Variants in SPTBN5 observed in about 807,000 individuals in gnomAD.
SPTBN5 encodes spectrin beta chain, non-erythrocytic 5.
In SPTBN5, 513 loss-of-function variants were observed where a neutral mutation model predicts 477.6. That is an observed-to-expected ratio of 1.07 (90% CI 1.00 to 1.16). The LOEUF (loss-of-function observed/expected upper bound fraction) is 1.16, where lower values mean the gene tolerates loss of function less well. SPTBN5 is among the 50% of genes most tolerant of loss of function. SPTBN5 has a pLI of 0.00. For missense variants in SPTBN5, 5,062 were observed against 4,731.8 expected (o/e 1.07, Z -2.05); for synonymous variants, 2,169 against 2,011.7 (o/e 1.08, Z -2.09).
intron 67 of SPTBN5, among the ~76,000 whole-genome samples, chr15:41,849,301 C>T (rs2065667029): frequency 6.6e-6 from 1 of 152,204 alleles, no homozygotes; most frequent in Admixed American, 6.5e-5. Flanking sequence ...GAGCCTCCTG[C>T]CCCTGCACAT....
intron 23 of SPTBN5, 85 bp downstream of exon 23, chr15:41,874,757 A>C: frequency 4.4e-6 from 6 of 1,374,762 alleles, no homozygotes; most frequent in Non-Finnish European, 5.9e-6. Flanking sequence ...AGGTCTGGAC[A>C]CCCCGGTCCT....
In SPTBN5 at chr15:41,875,069, C is replaced by T. The variant is rs1459082699; in HGVS notation, c.4288-13G>A. On this transcript the variant is annotated splice_polypyrimidine_tract_variant and intron_variant, in intron 22 of 67. Coordinates refer to ENST00000320955, the MANE Select transcript of SPTBN5 (RefSeq NM_016642.4). ...GCTCCTTTGCATCCTGGGAGGGACGCATGGAGCTGCATTAGGTTCTCTGTG... is the reference window on the plus strand; with the variant it reads ...GCTCCTTTGCATCCTGGGAGGGACGTATGGAGCTGCATTAGGTTCTCTGTG... The T allele has an allele frequency of 6.2e-7, 1 of 1,600,274 alleles. No homozygotes were observed. The highest frequency in any genetic ancestry group is 8.5e-7 in the Non-Finnish European group (1 of 1,172,200).
intron 32 of SPTBN5, 61 bp downstream of exon 32, chr15:41,869,780 C>G: frequency 7.1e-7 from 1 of 1,418,402 alleles, no homozygotes; most frequent in Non-Finnish European, 9.2e-7. Flanking sequence ...CGTGCATGCC[C>G]ATGCATGGTG....
intron 33 of SPTBN5, 61 bp from the exon 34 acceptor site, chr15:41,868,279 G>A: frequency 6.4e-7 from 1 of 1,563,600 alleles, no homozygotes; most frequent in Non-Finnish European, 8.6e-7. Context: ...GGTGAGGACT[G>A]GATCCTGAGG....
chr15:41,873,969 G>A lies in SPTBN5; in HGVS notation c.4766C>T (p.Ser1589Leu), dbSNP rs1305660570. The change falls in exon 25 of 68, where the codon TCA (serine) becomes TTA (leucine). Residue 1589 changes from serine to leucine, a missense_variant. Physicochemically the swap from Ser to Leu is moderately radical, Grantham distance 145 (BLOSUM62 -2). Coordinates refer to ENST00000320955, the MANE Select transcript of SPTBN5 (RefSeq NM_016642.4). ...VLSSGRSLAA[S>L]GHPQAQHIVE... ...GATGTGTTGGGCTTGGGGGTGCCCT[G>A]AGGCTGCCAGGCTCCGCCCAGAACT... 4 of 1,607,528 alleles carry A rather than the reference G, an allele frequency of 2.5e-6. No individual in the cohort carries two copies. Among genetic ancestry groups the A allele is most frequent in the Non-Finnish European group, 3.4e-6 (4 of 1,179,836 alleles).
rs751424905 is a variant in SPTBN5 at position 41,874,410 on chromosome 15, T to C, written c.4571A>G (p.Gln1524Arg). The C allele has an allele frequency of 5.5e-5, 88 of 1,613,516 alleles. No homozygotes were observed. Among genetic ancestry groups the C allele is most frequent in the Non-Finnish European group, 7.3e-5 (86 of 1,179,858 alleles). Residue 1524 changes from glutamine (Q) to arginine (R), a missense_variant, in exon 24 of 68, where the codon CAG (glutamine) becomes CGG (arginine). Physicochemically the swap from Gln to Arg is conservative, Grantham distance 43. Transcript: ENST00000320955. ...CTCCATGTTGCTCAGGTGGCAGAAC[T>C]GGTGCAGCTCCACTGAGGCCTGCAG... is the stretch of plus-strand genomic sequence containing the variant. Reference protein sequence around the residue: ...LQLQASVELHQFCHLSNMELS... With the variant: ...LQLQASVELHRFCHLSNMELS...
intron 63 of SPTBN5, 87 bp downstream of exon 63, chr15:41,851,692 G>C: frequency 9.8e-7 from 1 of 1,021,004 alleles, no homozygotes; most frequent in South Asian, 1.4e-5. Context: ...CACAGTGCAA[G>C]GGTGCCAGGC....
At position 41,887,301 on chromosome 15, in the gene SPTBN5, T is replaced by G. The variant is rs1158355660; in HGVS notation, c.800A>C (p.Glu267Ala). 3.2e-6 allele frequency: 5 copies of G among 1,551,170 alleles called. No individual in the cohort carries two copies. In the South Asian group the frequency reaches 5.9e-5, roughly 18 times the overall value. The change falls in exon 6 of 68, where the codon GAG becomes GCG. Residue 267 changes from glutamate to alanine, a missense_variant. Transcript: ENST00000320955. ...GGAGACGTAGGTCATGATAGAGCGC[T>G]CATCTGGCTGTGCGGCTGCCACGTC... ...PEDVAAAQPD[E>A]RSIMTYVSLY... is the part of the protein sequence containing the mutation.
intron 66 of SPTBN5, 29 bp from the exon 67 acceptor site, chr15:41,849,988 GC>G: frequency 6.5e-7 from 1 of 1,542,592 alleles, no homozygotes; most frequent in Non-Finnish European, 8.8e-7. Context: ...ACCACTGTTA[GC>G]CCGGCCCAGA....
intron 17 of SPTBN5, among the ~76,000 whole-genome samples, chr15:41,878,132 T>C (rs1448782549): frequency 6.6e-6 from 1 of 152,172 alleles, no homozygotes; most frequent in Non-Finnish European, 1.5e-5. Flanking sequence ...CCTGGGTCTC[T>C]CCTCGAAGTG....
chr15:41,865,087 G>A (rs981908369), intron 39 of SPTBN5, among the ~76,000 whole-genome samples: 5 of 152,172 alleles, frequency 3.3e-5, no homozygotes, highest in African/African-American at 4.8e-5. Flanking sequence ...AAGCACTGCC[G>A]CCTCTTAAAA....
Position 41,873,634 on chromosome 15 carries a change from T to C in SPTBN5, c.4891-26A>G, listed in dbSNP as rs148789697. On this transcript the variant is annotated intron_variant, in intron 25 of 67. Coordinates refer to ENST00000320955, the MANE Select transcript of SPTBN5 (RefSeq NM_016642.4). ...CTGCCAAGAGTGGGGCCAACTCACCTGGAGGATCTCAGACAGGACCCTCCG... is the reference window on the plus strand; with the variant it reads ...CTGCCAAGAGTGGGGCCAACTCACCCGGAGGATCTCAGACAGGACCCTCCG... The C allele has an allele frequency of 1.2e-4, 177 of 1,536,378 alleles. No individual in the cohort carries two copies. The African/African-American group carries it at 2.2e-3, about 19-fold the overall frequency.
Position 41,883,110 on chromosome 15 carries a change from G to A in SPTBN5, c.1778C>T (p.Ala593Val). The A allele has an allele frequency of 1.9e-6, 3 of 1,611,132 alleles. No homozygotes were observed. Among genetic ancestry groups the A allele is most frequent in the Middle Eastern group, 1.7e-4 (1 of 6,030 alleles). ...GGAGTCCAGCTCTGCTGTCTGCTGA[G>A]CAAGATGGCTCACATGGGCTCCGTG... ...SAHGAHVSHLAQQTAELDSSL... is the reference protein window; with the variant it reads ...SAHGAHVSHLVQQTAELDSSL... The change falls in exon 9 of 68, where the codon GCT becomes GTT. Residue 593 changes from alanine (A) to valine (V), a missense_variant. Physicochemically the swap from Ala to Val is moderately conservative, Grantham distance 64. Transcript: ENST00000320955.
intron 28 of SPTBN5, 100 bp downstream of exon 28, chr15:41,871,682 G>T: frequency 7.0e-7 from 1 of 1,428,326 alleles, no homozygotes; most frequent in South Asian, 1.5e-5. Context: ...AGGGCTCACC[G>T]CTCTGCTGCC....
At position 41,855,296 on chromosome 15, in the gene SPTBN5, G is replaced by A. The variant is rs557696992; in HGVS notation, c.9351C>T (p.Leu3117=). The stretch of plus-strand genomic sequence containing the variant: ...CCGCCTTGGTGGTCAGCCAGGCGTC[G>A]AGGAGCAGGGTCTCTCGCTCCAGCT... ...LHQLERETLL[L]DAWLTTKAAT... is the part of the protein sequence containing the mutation. The change falls in exon 55 of 68, where the codon CTC becomes CTT. Residue 3117 remains leucine (L), a synonymous_variant. Coordinates refer to ENST00000320955, the MANE Select transcript of SPTBN5 (RefSeq NM_016642.4). The A allele has an allele frequency of 2.0e-5, 33 of 1,611,614 alleles. 1 individual carries two copies. In the Admixed American group the frequency reaches 3.5e-4, roughly 17 times the overall value.
chr15:41,861,712 G>C (rs746729200), intron 45 of SPTBN5, 23 bp downstream of exon 45: 2 of 1,528,100 alleles, frequency 1.3e-6, no homozygotes, highest in East Asian at 2.4e-5. Context: ...CAAGATGCAG[G>C]CTGGGGATGG....
rs1174766045 is a variant in SPTBN5 at position 41,874,141 on chromosome 15, C to A, written c.4690-96G>T. ...CTCCAGGCCCCAATCATGGCAAGAC[C>A]CCCAGGGTCAAAATAGCTGGGGCAG... is the stretch of plus-strand genomic sequence containing the variant. On this transcript the variant is annotated intron_variant, in intron 24 of 67. Transcript: ENST00000320955. The A allele has an allele frequency of 2.0e-6, 3 of 1,509,798 alleles. No individual in the cohort carries two copies. The African/African-American group carries it at 4.1e-5, about 21-fold the overall frequency. The allele number at this position is 1,509,798 out of a possible 1,614,324, so 93.5% of individuals were successfully genotyped here. A position where few individuals can be genotyped will look rare whatever the true frequency, so the allele number is the denominator to read the frequency against.
At chr15:41,863,170 C>T (rs1020127675) in intron 41 of SPTBN5, among the ~76,000 whole-genome samples, 2 of 152,182 alleles carry the variant, frequency 1.3e-5, no homozygotes, top group African/African-American at 2.4e-5. Flanking sequence ...CCTTGAGGAG[C>T]GAGAAAGGAA....
chr15:41,850,880 C>G lies in SPTBN5; in HGVS notation c.10895G>C (p.Trp3632Ser), dbSNP rs1295057625. The G allele has an allele frequency of 6.2e-7, 1 of 1,603,056 alleles. No homozygotes were observed. The highest frequency in any genetic ancestry group is 1.7e-5 in the Admixed American group (1 of 58,856). Residue 3632 changes from tryptophan (W) to serine (S), a missense_variant, in exon 66 of 68, where the codon TGG becomes TCG. Coordinates refer to ENST00000320955, the MANE Select transcript of SPTBN5 (RefSeq NM_016642.4). ...TGCAGTGCTGCCCAGGGCTCGCCAC[C>G]AGCTCTCAGCCTGCTCTTCGGACGG... ...AAPSEEQAES[W>S]WRALGSTAAQ... is the part of the protein sequence containing the mutation.
Sources: allele counts gnomAD v4.1 joint callset (sites outside exome capture counted in the v4.1 genomes callset), GRCh38; gene constraint gnomAD v4.1.1; transcripts MANE v1.5; gene names NCBI Gene and HGNC (gene_info 2026-07-23, HGNC 2026-07-21).